Variants in LRP1B observed in about 807,000 individuals in gnomAD.
LRP1B encodes the protein LDL receptor related protein 1B.
In LRP1B, 217 loss-of-function variants were observed where a neutral mutation model predicts 556.6. That is an observed-to-expected ratio of 0.39 (90% CI 0.35 to 0.44). The LOEUF is 0.44. Among genes scored for constraint, LRP1B ranks in the 20% least tolerant of loss-of-function variants. The probability of loss-of-function intolerance (pLI) is 1.00; values close to 1 mark genes in which losing one functional copy is unlikely to be tolerated. For missense variants in LRP1B, 5,053 were observed against 5,620.8 expected, an observed-to-expected ratio of 0.90 and a Z score of 3.23; for synonymous variants, 2,047 against 1,865.8, an observed-to-expected ratio of 1.10 and a Z score of -2.50.
At chr2:140,926,812 T>C (rs935364491) in intron 20 of LRP1B, among the ~76,000 whole-genome samples, 2 of 152,112 alleles carry the variant, frequency 1.3e-5, no homozygotes, top group African/African-American at 2.4e-5. Context: ...AAGTTAGAGG[T>C]TTTCTTGACT....
At chr2:140,582,415 A>G (rs535417998) in intron 43 of LRP1B, among the ~76,000 whole-genome samples, 1 of 152,194 alleles carries the variant, frequency 6.6e-6, no homozygotes, top group Non-Finnish European at 1.5e-5. Context: ...TTTCTGCCCA[A>G]AGCAGGGTTA....
At chr2:141,758,690 C>A (rs545085472) in intron 2 of LRP1B, among the ~76,000 whole-genome samples, 1 of 152,010 alleles carries the variant, frequency 6.6e-6, no homozygotes. Context: ...AAAAGGAAAA[C>A]TCTTGCCATT....
chr2:140,589,461 G>T (rs567922360), intron 43 of LRP1B, among the ~76,000 whole-genome samples: 1 of 152,282 alleles, frequency 6.6e-6, no homozygotes, highest in East Asian at 1.9e-4. Context: ...ATTACAGAGA[G>T]TGAAGAATTA....
chr2:140,257,018 G>C (rs1259645891), intron 86 of LRP1B, among the ~76,000 whole-genome samples: 5 of 151,758 alleles, frequency 3.3e-5, no homozygotes, highest in Non-Finnish European at 7.4e-5. Context: ...TTAACATGAT[G>C]GCTTTTTCTG....
intron 2 of LRP1B, among the ~76,000 whole-genome samples, chr2:141,586,561 G>A (rs1426405942): frequency 6.6e-6 from 1 of 152,102 alleles, no homozygotes; most frequent in Admixed American, 6.6e-5. Flanking sequence ...TGAAGTGATT[G>A]AAAATTTTGG....
At chr2:140,711,514 A>T (rs1201492581) in intron 37 of LRP1B, among the ~76,000 whole-genome samples, 1 of 151,920 alleles carries the variant, frequency 6.6e-6, no homozygotes, top group Non-Finnish European at 1.5e-5. Flanking sequence ...ATAACTGCCA[A>T]CTTTGATCTA....
intron 35 of LRP1B, among the ~76,000 whole-genome samples, chr2:140,733,799 CTT>C (rs976218143): frequency 2.6e-5 from 4 of 152,230 alleles, no homozygotes; most frequent in Non-Finnish European, 5.9e-5. Flanking sequence ...GAAAGGCAAA[CTT>C]ACTATCTGAA....
chr2:141,699,067 T>C (rs1363334645), intron 2 of LRP1B, among the ~76,000 whole-genome samples: 1 of 151,920 alleles, frequency 6.6e-6, no homozygotes, highest in Non-Finnish European at 1.5e-5. Flanking sequence ...AGAATCCTAT[T>C]TAACCCACAG....
intron 35 of LRP1B, among the ~76,000 whole-genome samples, chr2:140,718,827 A>G (rs1248614664): frequency 6.6e-6 from 1 of 151,762 alleles, no homozygotes; most frequent in African/African-American, 2.4e-5. Flanking sequence ...CTAAAATAAA[A>G]TATTCTTCAG....
At chr2:142,077,881 T>A (rs1270513765) in intron 1 of LRP1B, among the ~76,000 whole-genome samples, 1 of 152,136 alleles carries the variant, frequency 6.6e-6, no homozygotes, top group Admixed American at 6.6e-5. Flanking sequence ...TAAAATATGT[T>A]TGCCCAAAGC....
chr2:140,282,054 G>A (rs1042807713), intron 84 of LRP1B, among the ~76,000 whole-genome samples: 2 of 151,712 alleles, frequency 1.3e-5, no homozygotes, highest in East Asian at 3.9e-4. Context: ...TCCTTCCTCG[G>A]TCTAACAATA....
intron 71 of LRP1B, among the ~76,000 whole-genome samples, 190 bp from the exon 72 acceptor site, chr2:140,364,973 G>A (rs1682690173): frequency 6.6e-6 from 1 of 151,122 alleles, no homozygotes; most frequent in South Asian, 2.1e-4. Context: ...ATTCATTGTT[G>A]ACATTTCAAA....
intron 1 of LRP1B, among the ~76,000 whole-genome samples, chr2:142,061,473 G>A (rs1460908966): frequency 6.6e-6 from 1 of 151,952 alleles, no homozygotes; most frequent in East Asian, 1.9e-4. Context: ...CTACATTAAA[G>A]CATTTGTTCC....
intron 1 of LRP1B, among the ~76,000 whole-genome samples, chr2:142,022,911 A>G (rs1703386308): frequency 6.6e-6 from 1 of 151,970 alleles, no homozygotes; most frequent in Non-Finnish European, 1.5e-5. Context: ...TCCTTTCCTC[A>G]TGATCTGCCC....
chr2:141,766,533 A>G (rs986365751), intron 2 of LRP1B, among the ~76,000 whole-genome samples: 1 of 152,210 alleles, frequency 6.6e-6, no homozygotes, highest in African/African-American at 2.4e-5. Flanking sequence ...TTTAAAACTC[A>G]TCTTCATGGC....
At chr2:141,103,078 T>A (rs1479964907) in intron 7 of LRP1B, among the ~76,000 whole-genome samples, 1 of 152,060 alleles carries the variant, frequency 6.6e-6, no homozygotes, top group Admixed American at 6.6e-5. Context: ...CTTACCTTGG[T>A]ATTTTATGAT....
intron 11 of LRP1B, among the ~76,000 whole-genome samples, chr2:141,038,796 C>T (rs1386331647): frequency 6.6e-6 from 1 of 152,004 alleles, no homozygotes; most frequent in Non-Finnish European, 1.5e-5. Context: ...TAAAGGACTT[C>T]TGAAGTAGTA....
intron 1 of LRP1B, among the ~76,000 whole-genome samples, chr2:141,818,787 T>C (rs1486133789): frequency 2.0e-5 from 3 of 151,268 alleles, no homozygotes; most frequent in South Asian, 2.1e-4. Flanking sequence ...CTGCCCGCCT[T>C]GGCCTCCCAG....
At chr2:141,251,321 T>C (rs1168513688) in intron 4 of LRP1B, among the ~76,000 whole-genome samples, 1 of 151,994 alleles carries the variant, frequency 6.6e-6, no homozygotes, top group African/African-American at 2.4e-5. Context: ...AATTATAGGA[T>C]GAGAAACCAG....
Sources: gnomAD v4.1 joint callset for allele counts (sites outside exome capture counted in the v4.1 genomes callset) on GRCh38, gnomAD v4.1.1 for gene constraint, MANE v1.5 for transcripts, NCBI Gene and HGNC (gene_info 2026-07-23, HGNC 2026-07-21) for gene names.